FHAD1: variants seen among roughly 807,000 people sequenced by gnomAD.
The protein encoded by FHAD1 is forkhead-associated domain-containing protein 1.
FHAD1 carries 146 observed loss-of-function variants against 191.3 expected under a neutral mutation model. The observed-to-expected ratio is 0.76, with a 90% CI of 0.67 to 0.88. FHAD1 has a LOEUF of 0.88. Ranked by LOEUF, FHAD1 falls within the 40% of genes least tolerant of loss-of-function variation. The probability of loss-of-function intolerance (pLI) is 0.00; values close to 1 mark genes in which losing one functional copy is unlikely to be tolerated. For missense variants in FHAD1, 1,635 were observed against 1,785.8 expected, an observed-to-expected ratio of 0.92 and a Z score of 1.52; for synonymous variants, 616 against 672.3, an observed-to-expected ratio of 0.92 and a Z score of 1.29.
chr1:15,390,895 G>A (rs1054837120), intron 32 of FHAD1, among the ~76,000 whole-genome samples: 12 of 152,124 alleles, frequency 7.9e-5, no homozygotes, highest in Non-Finnish European at 1.3e-4. Flanking sequence ...AAACAGACGT[G>A]TCCTCCGAGA....
chr1:15,296,575 A>C (rs934757567), intron 4 of FHAD1, 109 bp from the exon 5 acceptor site: 1 of 1,060,470 alleles, frequency 9.4e-7, no homozygotes, highest in East Asian at 2.6e-5. Context: ...ATTACATAAA[A>C]TATCAATCTC....
intron 31 of FHAD1, among the ~76,000 whole-genome samples, chr1:15,386,206 C>T (rs1038590695): frequency 6.6e-6 from 1 of 152,224 alleles, no homozygotes; most frequent in Non-Finnish European, 1.5e-5. Flanking sequence ...GCCAGCAGAG[C>T]CTGTCACAGA....
Position 15,327,158 on chromosome 1 carries a change from C to A in FHAD1, c.1557+16C>A. On this transcript the variant is annotated intron_variant, in intron 12 of 33. Transcript: ENST00000688493. This position sits in a 1 kb window ranked among gnomAD's most constrained non-coding sequence, Gnocchi z 5.1. ...CGACCAACAGGTTAGTCTGCCGTCCCTGCCACGTGGCTCCTTCACTTTCCT... is the reference window on the plus strand; with the variant it reads ...CGACCAACAGGTTAGTCTGCCGTCCATGCCACGTGGCTCCTTCACTTTCCT... 3 of 1,529,726 alleles carry A rather than the reference C, an allele frequency of 2.0e-6. No homozygotes were observed. Among genetic ancestry groups the A allele is most frequent in the Non-Finnish European group, 2.7e-6 (3 of 1,127,696 alleles). 94.8% of individuals were successfully genotyped at this position (1,529,726 alleles called of 1,614,324 possible).
chr1:15,249,071 C>T (rs922925323), intron 1 of FHAD1, among the ~76,000 whole-genome samples: 6 of 152,140 alleles, frequency 3.9e-5, no homozygotes, highest in African/African-American at 1.4e-4. Context: ...TTAACAAAAA[C>T]AACACAGTTT....
At chr1:15,272,569 C>T (rs1242065361) in intron 3 of FHAD1, 40 bp downstream of exon 3, 3 of 1,518,358 alleles carry the variant, frequency 2.0e-6, no homozygotes. Context: ...GCCATGTCGC[C>T]TTCGTGCAGC....
chr1:15,296,487 G>C (rs1667022017), intron 4 of FHAD1, 197 bp from the exon 5 acceptor site: 1 of 567,182 alleles, frequency 1.8e-6, no homozygotes, highest in South Asian at 1.6e-5. Context: ...TCTTCTGACT[G>C]CATGATCCGC....
At position 15,381,984 on chromosome 1, in the gene FHAD1, G is replaced by A; in HGVS notation, c.4023-44G>A. The A allele has an allele frequency of 1.3e-6, 2 of 1,542,732 alleles. No homozygotes were observed. Among genetic ancestry groups the A allele is most frequent in the Non-Finnish European group, 1.8e-6 (2 of 1,140,576 alleles). On this transcript the variant is annotated intron_variant, in intron 30 of 33. Transcript: ENST00000688493. The surrounding 1 kb of genome is among the most constrained non-coding windows in gnomAD (Gnocchi z 4.6). ...GGTCTGGCACATTGATGATGATTGG[G>A]AAAGATAAGGGAAAAACAGACGCCA...
In FHAD1 at chr1:15,332,370, A is replaced by G. The variant is rs146935394; in HGVS notation, c.1906+2829A>G. Among the ~76,000 whole-genome samples, 540 of 152,286 alleles carry G rather than the reference A, an allele frequency of 3.5e-3. 5 individuals are homozygous for G. The highest frequency in any genetic ancestry group is 0.011 in the African/African-American group (474 of 41,568). On this transcript the variant is annotated intron_variant, in intron 14 of 33. Transcript: ENST00000688493. ...TCCCACTCCCAAGACCATTTTAGTC[A>G]TCTAGACTAAGTCTATAAATCTAGT...
At chr1:15,373,273 G>A (rs188730206) in intron 26 of FHAD1, among the ~76,000 whole-genome samples, 2 of 152,190 alleles carry the variant, frequency 1.3e-5, no homozygotes, top group Admixed American at 1.3e-4. Context: ...CACTTTGGGA[G>A]GCCGAGGGAG....
At chr1:15,393,946 T>C (rs1705080115) in intron 33 of FHAD1, among the ~76,000 whole-genome samples, 1 of 151,730 alleles carries the variant, frequency 6.6e-6, no homozygotes. Context: ...AGACCTGAGG[T>C]TGTGTGGGAG....
Position 15,317,861 on chromosome 1 carries a change from G to T in FHAD1, c.1298G>T (p.Arg433Met). Residue 433 changes from arginine (R) to methionine (M), a missense_variant, in exon 10 of 34, where the codon AGG becomes ATG. Arg to Met is a moderately conservative substitution (Grantham distance 91). Transcript: ENST00000688493. ...QDMEKEMKKL[R>M]AELRKSCTEQ... is the part of the protein sequence containing the mutation. Reference sequence around the variant, plus strand: ...ATGGAGAAAGAAATGAAGAAGCTTAGGGCAGAGCTGAGGAAGAGTTGTACT... The same window carrying T: ...ATGGAGAAAGAAATGAAGAAGCTTATGGCAGAGCTGAGGAAGAGTTGTACT... 6.4e-7 allele frequency: 1 copy of T among 1,551,750 alleles called. No individual in the cohort carries two copies. Among genetic ancestry groups the T allele is most frequent in the Non-Finnish European group, 8.7e-7 (1 of 1,146,986 alleles).
intron 6 of FHAD1, among the ~76,000 whole-genome samples, chr1:15,307,875 T>C (rs1443379507): frequency 6.6e-6 from 1 of 151,832 alleles, no homozygotes; most frequent in African/African-American, 2.4e-5. Context: ...GGACTACAGG[T>C]GCCCGCCACC....
intron 10 of FHAD1, among the ~76,000 whole-genome samples, chr1:15,320,681 T>A (rs1167952186): frequency 6.6e-6 from 1 of 152,224 alleles, no homozygotes; most frequent in Non-Finnish European, 1.5e-5. Flanking sequence ...CTAGCTTTCT[T>A]TTGATTTGAG....
intron 2 of FHAD1, 53 bp downstream of exon 2, chr1:15,251,930 C>A: frequency 1.4e-6 from 2 of 1,430,474 alleles, no homozygotes; most frequent in Non-Finnish European, 1.9e-6. Context: ...TTCCTTCTCC[C>A]TCTCTAACAG....
intron 22 of FHAD1, 52 bp from the exon 23 acceptor site, chr1:15,362,590 A>C (rs189863771): frequency 6.4e-5 from 92 of 1,445,006 alleles, no homozygotes; most frequent in Non-Finnish European, 8.6e-6. Flanking sequence ...GCTTGTAAGC[A>C]AAGGGGAAGG....
At chr1:15,281,653 C>T (rs1162182173) in intron 3 of FHAD1, among the ~76,000 whole-genome samples, 1 of 149,228 alleles carries the variant, frequency 6.7e-6, no homozygotes, top group African/African-American at 2.5e-5. Context: ...CCTAGCTCCT[C>T]GGGAGGCTGA....
At chr1:15,296,823 C>A in intron 5 of FHAD1, 30 bp downstream of exon 5, 2 of 1,528,880 alleles carry the variant, frequency 1.3e-6, no homozygotes, top group Non-Finnish European at 8.9e-7. Context: ...AAGGGTGGAG[C>A]TGCAGCAGCA....
At chr1:15,330,583 T>G in intron 14 of FHAD1, among the ~76,000 whole-genome samples, 1 of 151,776 alleles carries the variant, frequency 6.6e-6, no homozygotes, top group South Asian at 2.1e-4. Context: ...GAAAGTTGAG[T>G]GGTGACAATT....
rs1054762361 is a variant in FHAD1 at position 15,324,441 on chromosome 1, C to T, written c.1366-11C>T. The stretch of plus-strand genomic sequence containing the variant: ...ATTAGCAGCAAGTACTCGCTTTCAT[C>T]GTCATTTCAGGTTGAAGAGAAGCTT... On this transcript the variant is annotated splice_polypyrimidine_tract_variant and intron_variant, in intron 10 of 33. Coordinates refer to ENST00000688493, the MANE Select transcript of FHAD1 (RefSeq NM_001391957.1). 9 of 1,541,166 alleles carry T rather than the reference C, an allele frequency of 5.8e-6. No homozygotes were observed. The African/African-American group carries it at 9.6e-5, about 16-fold the overall frequency.
Sources: gnomAD v4.1 joint callset for allele counts (sites outside exome capture counted in the v4.1 genomes callset) on GRCh38, gnomAD v4.1.1 for gene constraint, Gnocchi (gnomAD v3.1) non-coding constraint, MANE v1.5 for transcripts, NCBI Gene and HGNC (gene_info 2026-07-23, HGNC 2026-07-21) for gene names.